Variants in LDB2 observed in about 807,000 individuals in gnomAD.
The protein encoded by LDB2 is LIM domain-binding protein 2.
LDB2 carries 12 observed loss-of-function variants against 44.3 expected under a neutral mutation model. That is an observed-to-expected ratio of 0.27 (90% CI 0.17 to 0.44). LDB2 has a LOEUF of 0.44. LDB2 is among the 20% of genes least tolerant of loss of function. The pLI is 1.00. For synonymous variants in LDB2, 164 were observed against 174.8 expected (o/e 0.94, Z 0.49); for missense variants, 344 against 473.5 (o/e 0.73, Z 2.54).
At chr4:16,677,393 G>A (rs1415567102) in intron 2 of LDB2, among the ~76,000 whole-genome samples, 5 of 152,222 alleles carry the variant, frequency 3.3e-5, no homozygotes, top group Non-Finnish European at 5.9e-5. Context: ...GAAAAGCTCT[G>A]AAGTATGTGG....
chr4:16,681,012 G>C (rs1471690679), intron 2 of LDB2, among the ~76,000 whole-genome samples: 3 of 152,142 alleles, frequency 2.0e-5, no homozygotes, highest in African/African-American at 7.2e-5. Flanking sequence ...CTGGCCCTTG[G>C]TTATTCAATA....
intron 2 of LDB2, among the ~76,000 whole-genome samples, chr4:16,654,375 A>T (rs1403524190): frequency 6.6e-6 from 1 of 152,182 alleles, no homozygotes; most frequent in Non-Finnish European, 1.5e-5. Context: ...GGCAGGGGAA[A>T]AATGATAAAG....
At chr4:16,679,692 G>A (rs1747312226) in intron 2 of LDB2, among the ~76,000 whole-genome samples, 1 of 152,158 alleles carries the variant, frequency 6.6e-6, no homozygotes, top group African/African-American at 2.4e-5. Context: ...CATGGCCTCA[G>A]GGAAGGCCAT....
intron 5 of LDB2, among the ~76,000 whole-genome samples, chr4:16,562,115 C>T (rs1241466357): frequency 2.0e-5 from 3 of 152,070 alleles, no homozygotes; most frequent in Admixed American, 2.0e-4. Flanking sequence ...CCATAAAAAC[C>T]CTAGAAGAAA....
chr4:16,656,143 A>G (rs893012939), intron 2 of LDB2, among the ~76,000 whole-genome samples: 2 of 151,908 alleles, frequency 1.3e-5, no homozygotes. Context: ...CTCGTGATCC[A>G]CCCGCCTCGG....
chr4:16,666,653 T>C (rs1174820981), intron 2 of LDB2, among the ~76,000 whole-genome samples: 5 of 152,194 alleles, frequency 3.3e-5, no homozygotes, highest in Non-Finnish European at 7.3e-5. Flanking sequence ...TCACACCAGT[T>C]ACCTGCTGCG....
intron 2 of LDB2, among the ~76,000 whole-genome samples, chr4:16,602,758 G>C (rs544890880): frequency 6.6e-6 from 1 of 152,048 alleles, no homozygotes. Context: ...CCTTGCAGTA[G>C]ATGCTAAGTG....
intron 1 of LDB2, among the ~76,000 whole-genome samples, chr4:16,827,275 G>A (rs568858802): frequency 3.5e-4 from 53 of 152,176 alleles, no homozygotes; most frequent in Non-Finnish European, 3.7e-4. Context: ...GACAGTGTCA[G>A]AATAAGAGGC....
At chr4:16,787,411 G>T (rs567854979) in intron 1 of LDB2, among the ~76,000 whole-genome samples, 1 of 152,108 alleles carries the variant, frequency 6.6e-6, no homozygotes, top group Non-Finnish European at 1.5e-5. Context: ...TCAGGAGTTC[G>T]AGACCAGCCT....
At chr4:16,552,263 G>A (rs528904951) in intron 5 of LDB2, among the ~76,000 whole-genome samples, 5 of 152,178 alleles carry the variant, frequency 3.3e-5, no homozygotes, top group African/African-American at 1.2e-4. Flanking sequence ...ATTTCAGATG[G>A]CGGTGACCCA....
intron 5 of LDB2, among the ~76,000 whole-genome samples, chr4:16,532,341 A>G (rs1730439296): frequency 6.6e-6 from 1 of 152,238 alleles, no homozygotes; most frequent in African/African-American, 2.4e-5. Flanking sequence ...AATTGTAGGA[A>G]GTCTGCAGCA....
intron 1 of LDB2, among the ~76,000 whole-genome samples, chr4:16,791,478 G>T (rs138917985): frequency 6.7e-6 from 1 of 148,192 alleles, no homozygotes; most frequent in African/African-American, 2.5e-5. Context: ...TTGCTTGAAC[G>T]GGGGAGGCGG....
At chr4:16,723,137 A>C (rs1758672942) in intron 2 of LDB2, among the ~76,000 whole-genome samples, 1 of 152,176 alleles carries the variant, frequency 6.6e-6, no homozygotes, top group Admixed American at 6.5e-5. Flanking sequence ...ATGATGACAA[A>C]GTTTTTGAGA....
chr4:16,597,908 G>T (rs2152443676), intron 2 of LDB2, among the ~76,000 whole-genome samples: 1 of 152,286 alleles, frequency 6.6e-6, no homozygotes, highest in East Asian at 1.9e-4. Context: ...TACACTTAAA[G>T]AGAAACACAG....
At chr4:16,840,562 G>A (rs999963438) in intron 1 of LDB2, among the ~76,000 whole-genome samples, 14 of 152,150 alleles carry the variant, frequency 9.2e-5, no homozygotes, top group Admixed American at 1.3e-4. Context: ...TACAGAAGTC[G>A]TTTGGGATCA....
intron 2 of LDB2, among the ~76,000 whole-genome samples, chr4:16,628,114 C>T (rs753942442): frequency 3.3e-5 from 5 of 152,160 alleles, no homozygotes; most frequent in African/African-American, 1.2e-4. Context: ...GCATTTCAAA[C>T]GGTTTGGGTG....
intron 2 of LDB2, among the ~76,000 whole-genome samples, chr4:16,620,044 T>G (rs1201077598): frequency 6.6e-6 from 1 of 152,208 alleles, no homozygotes; most frequent in Non-Finnish European, 1.5e-5. Context: ...GAAGCATGCT[T>G]TCTCCGTCTG....
intron 2 of LDB2, among the ~76,000 whole-genome samples, chr4:16,718,371 T>C (rs1757530915): frequency 6.6e-6 from 1 of 152,180 alleles, no homozygotes; most frequent in Non-Finnish European, 1.5e-5. Flanking sequence ...TCGAGTCTAA[T>C]GCAATGAAAG....
intron 2 of LDB2, among the ~76,000 whole-genome samples, chr4:16,747,810 A>G (rs1211261424): frequency 1.3e-5 from 2 of 152,310 alleles, no homozygotes; most frequent in Non-Finnish European, 2.9e-5. Flanking sequence ...ATGTGTGTCT[A>G]TGAGGAAATA....
Sources: gnomAD v4.1 joint callset for allele counts (sites outside exome capture counted in the v4.1 genomes callset) on GRCh38, gnomAD v4.1.1 for gene constraint, MANE v1.5 for transcripts, NCBI Gene and HGNC (gene_info 2026-07-23, HGNC 2026-07-21) for gene names.